The following NTRK2 variants were observed in gnomAD, a reference collection of about 807,000 sequenced individuals.
NTRK2 encodes neurotrophic receptor tyrosine kinase 2.
In NTRK2, 13 loss-of-function variants were observed where a neutral mutation model predicts 94.5. The observed-to-expected ratio is 0.14, with a 90% CI of 0.09 to 0.22. The LOEUF (loss-of-function observed/expected upper bound fraction) is 0.22. NTRK2 is among the 10% of genes least tolerant of loss of function. NTRK2 has a pLI of 1.00. For synonymous variants in NTRK2, 372 were observed against 407.4 expected (o/e 0.91, Z 1.05); for missense variants, 639 against 1,071.2 (o/e 0.60, Z 5.63).
chr9:84,910,924 T>C (rs1266500686), intron 14 of NTRK2, among the ~76,000 whole-genome samples: 1 of 152,232 alleles, frequency 6.6e-6, no homozygotes, highest in Non-Finnish European at 1.5e-5. Flanking sequence ...GTTGTCAATA[T>C]CTACAAAAGA....
intron 4 of NTRK2, among the ~76,000 whole-genome samples, chr9:84,704,225 C>CTTTT (rs773413015): frequency 1.4e-3 from 132 of 93,706 alleles, no homozygotes; most frequent in Non-Finnish European, 1.9e-3. Flanking sequence ...TGGTGGTATT[C>CTTTT]TTTTTTTTTT....
At chr9:84,917,200 C>T (rs545061919) in intron 14 of NTRK2, among the ~76,000 whole-genome samples, 1 of 152,138 alleles carries the variant, frequency 6.6e-6, no homozygotes, top group South Asian at 2.1e-4. Flanking sequence ...TTTTTGTACA[C>T]CATCATACAT....
chr9:84,766,719 T>G (rs988026222), intron 12 of NTRK2, among the ~76,000 whole-genome samples: 1 of 151,558 alleles, frequency 6.6e-6, no homozygotes, highest in African/African-American at 2.4e-5. Context: ...CATACACACA[T>G]TCAATGCACA....
chr9:84,876,946 T>G (rs2076088562), intron 14 of NTRK2: 4 of 1,061,208 alleles, frequency 3.8e-6, no homozygotes, highest in Non-Finnish European at 3.4e-6. Flanking sequence ...TAGATTTTTA[T>G]GGACATTGGA....
intron 12 of NTRK2, 135 bp downstream of exon 12, chr9:84,752,220 C>T: frequency 2.7e-6 from 2 of 739,506 alleles, no homozygotes; most frequent in Non-Finnish European, 4.8e-6. Flanking sequence ...AGCAACAAGG[C>T]TTTGATACTA....
chr9:84,928,558 A>G lies in NTRK2; in HGVS notation c.1634-5604A>G, dbSNP rs967974512. ...TCTTCAGTATGAATCAGTGTCCTCT[A>G]TTTCAGAGTCCAAGGGTTGCTTTTC... On this transcript the variant is annotated intron_variant, in intron 14 of 18. Transcript: ENST00000277120. Among the ~76,000 whole-genome samples the G allele has an allele frequency of 6.6e-5, 10 of 152,250 alleles. No individual in the cohort carries two copies. The East Asian group carries it at 1.7e-3, about 27-fold the overall frequency.
intron 6 of NTRK2, among the ~76,000 whole-genome samples, chr9:84,718,387 T>A (rs2061848134): frequency 6.6e-6 from 1 of 152,020 alleles, no homozygotes; most frequent in South Asian, 2.1e-4. Flanking sequence ...AATAGAGTTG[T>A]GTGTATGAAT....
intron 12 of NTRK2, among the ~76,000 whole-genome samples, chr9:84,764,179 G>C (rs1217229856): frequency 6.6e-6 from 1 of 152,184 alleles, no homozygotes; most frequent in Non-Finnish European, 1.5e-5. Context: ...TTTGAAGATA[G>C]TGACCACCAG....
chr9:84,792,675 C>T (rs369697571), intron 12 of NTRK2, among the ~76,000 whole-genome samples: 3 of 152,206 alleles, frequency 2.0e-5, no homozygotes, highest in African/African-American at 7.2e-5. Flanking sequence ...AGGCACTGTA[C>T]TAAGGCTGTG....
chr9:84,702,086 G>A (rs2060765791), intron 2 of NTRK2, 73 bp from the exon 3 acceptor site: 1 of 1,376,930 alleles, frequency 7.3e-7, no homozygotes, highest in Non-Finnish European at 1.0e-6. Flanking sequence ...CCTGGGTGAG[G>A]TGGATGGGAG....
intron 15 of NTRK2, among the ~76,000 whole-genome samples, chr9:84,947,037 C>A (rs1423529527): frequency 6.6e-6 from 1 of 152,156 alleles, no homozygotes; most frequent in Non-Finnish European, 1.5e-5. Flanking sequence ...CTCCCTGCAA[C>A]CTCTGCCTCC....
chr9:84,699,338 T>C (rs2060580106), intron 2 of NTRK2, among the ~76,000 whole-genome samples: 1 of 152,194 alleles, frequency 6.6e-6, no homozygotes, highest in African/African-American at 2.4e-5. Flanking sequence ...TCCTGGCCCT[T>C]GCTAAACTTG....
intron 2 of NTRK2, among the ~76,000 whole-genome samples, chr9:84,700,646 A>T (rs1436191392): frequency 6.6e-6 from 1 of 152,222 alleles, no homozygotes; most frequent in East Asian, 1.9e-4. Context: ...AGAGGTGCCC[A>T]AACCCTTACT....
intron 2 of NTRK2, among the ~76,000 whole-genome samples, chr9:84,688,456 A>G (rs1443498461): frequency 1.3e-5 from 2 of 152,084 alleles, no homozygotes; most frequent in East Asian, 3.9e-4. Flanking sequence ...CCCTCTCTTC[A>G]GGGGCTCCAT....
intron 17 of NTRK2, 62 bp from the exon 18 acceptor site, chr9:85,020,144 G>A (rs976163964): frequency 1.3e-6 from 2 of 1,574,440 alleles, no homozygotes; most frequent in South Asian, 1.1e-5. Context: ...TCCCCCAGCA[G>A]CTCCCTTCCA....
intron 2 of NTRK2, among the ~76,000 whole-genome samples, chr9:84,672,726 G>A (rs1158696293): frequency 2.6e-5 from 4 of 152,130 alleles, no homozygotes. Flanking sequence ...TGAGAAAAAG[G>A]AAATAAAACT....
At chr9:84,898,192 A>G (rs2132365767) in intron 14 of NTRK2, among the ~76,000 whole-genome samples, 1 of 152,312 alleles carries the variant, frequency 6.6e-6, no homozygotes, top group East Asian at 1.9e-4. Context: ...CAGCCTAGCA[A>G]CATCTGACTT....
At chr9:84,760,344 T>C (rs1024381522) in intron 12 of NTRK2, among the ~76,000 whole-genome samples, 10 of 152,236 alleles carry the variant, frequency 6.6e-5, no homozygotes, top group African/African-American at 1.9e-4. Context: ...TTCAGATTTA[T>C]GTTTTAGTAA....
intron 14 of NTRK2, among the ~76,000 whole-genome samples, chr9:84,896,266 C>CCAGG: frequency 6.6e-6 from 1 of 152,274 alleles, no homozygotes; most frequent in African/African-American, 2.4e-5. Context: ...GCCCTGTGTG[C>CCAGG]CAGGCACTGT....
Sources: gnomAD v4.1 joint callset for allele counts (sites outside exome capture counted in the v4.1 genomes callset) on GRCh38, gnomAD v4.1.1 for gene constraint, MANE v1.5 for transcripts, NCBI Gene and HGNC (gene_info 2026-07-23, HGNC 2026-07-21) for gene names.